TRAF5: variants seen among roughly 807,000 people sequenced by gnomAD.
TRAF5 encodes TNF receptor associated factor 5, also known as TNF receptor-associated factor 5.
A neutral mutation model predicts 64.5 loss-of-function variants in TRAF5; 48 were observed. The ratio of observed to expected loss-of-function variants is 0.74; its 90% CI spans 0.59 to 0.95. The LOEUF is 0.95. Ranked by LOEUF, TRAF5 falls within the 40% of genes least tolerant of loss-of-function variation. The pLI is 0.00. For missense variants in TRAF5, 545 were observed against 662.8 expected, an observed-to-expected ratio of 0.82 and a Z score of 1.95; for synonymous variants, 206 against 240.5, an observed-to-expected ratio of 0.86 and a Z score of 1.33.
intron 1 of TRAF5, among the ~76,000 whole-genome samples, chr1:211,328,192 G>A (rs1702069353): frequency 1.3e-5 from 2 of 152,176 alleles, no homozygotes; most frequent in African/African-American, 4.8e-5. Flanking sequence ...TGTAATTGAT[G>A]GTTTGGGTGG....
intron 8 of TRAF5, among the ~76,000 whole-genome samples, chr1:211,368,048 T>C (rs904188207): frequency 6.6e-6 from 1 of 152,056 alleles, no homozygotes; most frequent in African/African-American, 2.4e-5. Context: ...TAAGGAAATA[T>C]TTCCAAGAGG....
At chr1:211,341,571 A>C (rs1702448522) in intron 1 of TRAF5, among the ~76,000 whole-genome samples, 1 of 152,192 alleles carries the variant, frequency 6.6e-6, no homozygotes, top group African/African-American at 2.4e-5. Flanking sequence ...TCAGAGAGGC[A>C]CTGATGGGAT....
At chr1:211,330,094 C>T (rs1465494797) in intron 1 of TRAF5, among the ~76,000 whole-genome samples, 2 of 152,178 alleles carry the variant, frequency 1.3e-5, no homozygotes, top group Non-Finnish European at 2.9e-5. Context: ...GTGGTGAGCA[C>T]ATTTTGCATA....
intron 2 of TRAF5, among the ~76,000 whole-genome samples, chr1:211,353,923 G>T (rs1414947533): frequency 2.0e-5 from 3 of 152,192 alleles, no homozygotes; most frequent in Admixed American, 6.5e-5. Flanking sequence ...GTGGAAGCAG[G>T]TACACTTTGG....
intron 8 of TRAF5, among the ~76,000 whole-genome samples, chr1:211,368,288 C>G (rs1397357398): frequency 6.6e-6 from 1 of 151,482 alleles, no homozygotes; most frequent in African/African-American, 2.4e-5. Context: ...AGGCTCAAGA[C>G]CAGATTTGTC....
At position 211,374,328 on chromosome 1, in the gene TRAF5, T is replaced by TATGGGCC. The variant is rs924578427; in HGVS notation, c.*1634_*1640dup. On this transcript the variant is annotated 3_prime_UTR_variant, in exon 11 of 11. Coordinates refer to ENST00000261464, the MANE Select transcript of TRAF5 (RefSeq NM_001033910.3). ...GCTCCCCTGGGCACGCAAGGATGAG[T>TATGGGCC]ATGGGCCATGGGCCCCTGTAGAGCT... The TATGGGCC allele has an allele frequency of 4.6e-5, 7 of 152,968 alleles. No individual in the cohort carries two copies. The highest frequency in any genetic ancestry group is 1.4e-4 in the African/African-American group (6 of 41,558). The allele number at this position is 152,968 out of a possible 1,614,324, so 9.5% of individuals were successfully genotyped here. A position where few individuals can be genotyped will look rare whatever the true frequency, so the allele number is the denominator to read the frequency against.
At chr1:211,333,475 T>C (rs139622928) in intron 1 of TRAF5, among the ~76,000 whole-genome samples, 2,385 of 151,902 alleles carry the variant, frequency 0.016, 24 homozygotes, top group Middle Eastern at 0.071. Flanking sequence ...GTGCTGGGAT[T>C]ACAGGCGTGA....
intron 5 of TRAF5, 88 bp downstream of exon 5, chr1:211,360,164 C>T: frequency 7.5e-7 from 1 of 1,335,764 alleles, no homozygotes; most frequent in Non-Finnish European, 1.0e-6. Context: ...GCCAGAAGAA[C>T]ATTCCTGCAT....
At chr1:211,351,369 G>A (rs937620487) in intron 1 of TRAF5, among the ~76,000 whole-genome samples, 1 of 151,942 alleles carries the variant, frequency 6.6e-6, no homozygotes, top group Admixed American at 6.6e-5. Flanking sequence ...CATTCATGAG[G>A]GCTCCACTCT....
At chr1:211,339,925 A>C (rs949386629) in intron 1 of TRAF5, among the ~76,000 whole-genome samples, 3 of 152,172 alleles carry the variant, frequency 2.0e-5, no homozygotes, top group Admixed American at 2.0e-4. Flanking sequence ...TCAGCTTTGG[A>C]AATATAAACT....
intron 1 of TRAF5, among the ~76,000 whole-genome samples, chr1:211,339,694 C>G (rs1446036819): frequency 6.6e-6 from 1 of 152,198 alleles, no homozygotes; most frequent in African/African-American, 2.4e-5. Context: ...AGGATGCCTG[C>G]CTGTATGTGG....
At chr1:211,329,825 C>T (rs776041410) in intron 1 of TRAF5, among the ~76,000 whole-genome samples, 8 of 152,300 alleles carry the variant, frequency 5.3e-5, no homozygotes, top group Admixed American at 1.3e-4. Context: ...GAGGAGAACA[C>T]GCTGCAGGGC....
Position 211,331,222 on chromosome 1 carries a change from C to A in TRAF5, c.-2+4333C>A, listed in dbSNP as rs112889005. On this transcript the variant is annotated intron_variant, in intron 1 of 10. Transcript: ENST00000261464. ...TTCCTGCCCCAGGTCCATCTGTATT[C>A]AATTTTCCTTTTCATGCTGCTGCAG... Among the ~76,000 whole-genome samples the A allele has an allele frequency of 3.4e-3, 517 of 152,232 alleles. 5 individuals carry two copies. The highest frequency in any genetic ancestry group is 0.012 in the African/African-American group (485 of 41,554).
chr1:211,347,542 A>G (rs553641300), intron 1 of TRAF5, among the ~76,000 whole-genome samples: 2 of 152,372 alleles, frequency 1.3e-5, no homozygotes, highest in South Asian at 4.1e-4. Flanking sequence ...ATAACCGATT[A>G]GAGAGTGAAC....
At chr1:211,348,873 C>T (rs1313487246) in intron 1 of TRAF5, among the ~76,000 whole-genome samples, 1 of 151,756 alleles carries the variant, frequency 6.6e-6, no homozygotes, top group Non-Finnish European at 1.5e-5. Context: ...AGTGTCCATC[C>T]TATGGATCTT....
chr1:211,359,502 C>G, intron 4 of TRAF5: 1 of 165,754 alleles, frequency 6.0e-6, no homozygotes, highest in Non-Finnish European at 1.3e-5. Context: ...AGACCCATAC[C>G]TGATGCTGGA....
chr1:211,339,870 C>A (rs751291506), intron 1 of TRAF5, among the ~76,000 whole-genome samples: 3 of 152,218 alleles, frequency 2.0e-5, no homozygotes, highest in Non-Finnish European at 2.9e-5. Flanking sequence ...ACAGTCCTCC[C>A]AGCTCTGGGT....
At chr1:211,356,667 C>T in intron 4 of TRAF5, 199 bp downstream of exon 4, 1 of 517,642 alleles carries the variant, frequency 1.9e-6, no homozygotes, top group Non-Finnish European at 3.5e-6. Context: ...GAGGTTCGTC[C>T]TGTATGGAGC....
At chr1:211,366,179 A>G (rs770322447) in intron 8 of TRAF5, among the ~76,000 whole-genome samples, 3 of 152,130 alleles carry the variant, frequency 2.0e-5, no homozygotes, top group South Asian at 2.1e-4. Flanking sequence ...AAAACCATCC[A>G]TTTTCAGAAA....
Sources: allele counts gnomAD v4.1 joint callset (sites outside exome capture counted in the v4.1 genomes callset), GRCh38; gene constraint gnomAD v4.1.1; transcripts MANE v1.5; gene names NCBI Gene and HGNC (gene_info 2026-07-23, HGNC 2026-07-21).